Variants in DGLUCY observed in about 807,000 individuals in gnomAD.
DGLUCY encodes the protein D-glutamate cyclase, mitochondrial.
DGLUCY carries 58 observed loss-of-function variants against 58.5 expected under a neutral mutation model. The observed-to-expected ratio is 0.99, with a 90% confidence interval of 0.80 to 1.23. The LOEUF (loss-of-function observed/expected upper bound fraction) is 1.23, where lower values mean the gene tolerates loss of function less well. DGLUCY is among the 50% of genes most tolerant of loss of function. DGLUCY has a pLI of 0.00. For missense variants in DGLUCY, 779 were observed against 784.7 expected, an observed-to-expected ratio of 0.99 and a Z score of 0.09; for synonymous variants, 325 against 314.1, an observed-to-expected ratio of 1.03 and a Z score of -0.37.
chr14:91,065,340 C>A (rs1036999651), intron 1 of DGLUCY, among the ~76,000 whole-genome samples: 5 of 152,100 alleles, frequency 3.3e-5, no homozygotes, highest in African/African-American at 1.2e-4. Context: ...GGGCAACAAC[C>A]TGGTTAAAGT....
intron 1 of DGLUCY, among the ~76,000 whole-genome samples, chr14:91,144,955 TTG>T (rs1411229583): frequency 6.6e-6 from 1 of 152,076 alleles, no homozygotes; most frequent in Non-Finnish European, 1.5e-5. Flanking sequence ...GCCTCAGGCT[TTG>T]TGTGAGTCTG....
chr14:91,154,080 A>G (rs549681106), intron 1 of DGLUCY, among the ~76,000 whole-genome samples: 242 of 152,138 alleles, frequency 1.6e-3, no homozygotes, highest in Non-Finnish European at 2.9e-3. Flanking sequence ...TAATTTTTGT[A>G]TATTTAGTAA....
intron 6 of DGLUCY, among the ~76,000 whole-genome samples, chr14:91,174,292 A>G (rs567831212): frequency 3.3e-5 from 5 of 152,174 alleles, no homozygotes; most frequent in African/African-American, 1.2e-4. Context: ...CCTTTATTTA[A>G]TTTAATTAAA....
intron 1 of DGLUCY, among the ~76,000 whole-genome samples, chr14:91,137,397 T>A (rs571605259): frequency 6.6e-6 from 1 of 152,100 alleles, no homozygotes; most frequent in East Asian, 1.9e-4. Context: ...CTTTTCTTTT[T>A]TTTTTTTGAG....
intron 13 of DGLUCY, among the ~76,000 whole-genome samples, chr14:91,221,838 AACC>A (rs2140796510): frequency 6.6e-6 from 1 of 152,262 alleles, no homozygotes; most frequent in South Asian, 2.1e-4. Context: ...ACACCCTTGC[AACC>A]ACCACCAAGA....
At chr14:91,102,981 C>T (rs1329923472) in intron 1 of DGLUCY, among the ~76,000 whole-genome samples, 1 of 151,844 alleles carries the variant, frequency 6.6e-6, no homozygotes, top group African/African-American at 2.4e-5. Context: ...AGGCTGGTCT[C>T]GAACTCCTGA....
intron 8 of DGLUCY, among the ~76,000 whole-genome samples, 165 bp from the exon 9 acceptor site, chr14:91,188,745 C>T (rs888227213): frequency 3.3e-5 from 5 of 152,152 alleles, no homozygotes; most frequent in Non-Finnish European, 7.3e-5. Context: ...GGGAGGATCA[C>T]GTGAGCCCAG....
intron 1 of DGLUCY, among the ~76,000 whole-genome samples, chr14:91,074,286 C>T (rs1202852063): frequency 1.7e-5 from 2 of 117,194 alleles, no homozygotes; most frequent in African/African-American, 6.9e-5. Context: ...CTGAGCGATA[C>T]CCTGTCTCAA....
At chr14:91,164,230 G>A (rs2048151435) in intron 3 of DGLUCY, among the ~76,000 whole-genome samples, 2 of 152,184 alleles carry the variant, frequency 1.3e-5, no homozygotes, top group Non-Finnish European at 1.5e-5. Flanking sequence ...GATTACAGGT[G>A]TGAGCCACCA....
intron 1 of DGLUCY, chr14:91,115,117 A>G (rs1398382165): frequency 6.6e-6 from 1 of 152,530 alleles, no homozygotes; most frequent in African/African-American, 2.4e-5. Context: ...AATTGCAAAA[A>G]TTATCCCAGT....
intron 5 of DGLUCY, among the ~76,000 whole-genome samples, 182 bp from the exon 6 acceptor site, chr14:91,173,107 A>G (rs1373397602): frequency 6.6e-6 from 1 of 152,120 alleles, no homozygotes; most frequent in Non-Finnish European, 1.5e-5. Context: ...AAGATTCCCT[A>G]TTTTAAACCA....
chr14:91,074,161 A>ACACACACATC (rs71120110), intron 1 of DGLUCY, among the ~76,000 whole-genome samples: 2 of 128,632 alleles, frequency 1.6e-5, no homozygotes, highest in African/African-American at 6.5e-5. Flanking sequence ...ACACACACAC[A>ACACACACATC]GTCAAGCACC....
intron 1 of DGLUCY, among the ~76,000 whole-genome samples, chr14:91,108,526 T>TGTGTGTGTGTGTGAGAGAGA (rs1265665234): frequency 5.8e-5 from 3 of 52,124 alleles, no homozygotes; most frequent in African/African-American, 1.3e-4. Context: ...TGTGTGTGTG[T>TGTGTGTGTGTGTGAGAGAGA]GAGAGAGAGA....
At chr14:91,206,329 T>C (rs961329497) in intron 12 of DGLUCY, among the ~76,000 whole-genome samples, 2 of 151,698 alleles carry the variant, frequency 1.3e-5, no homozygotes, top group Admixed American at 6.6e-5. Flanking sequence ...GCAGAGCCCT[T>C]CCCCTCCCCG....
intron 13 of DGLUCY, among the ~76,000 whole-genome samples, chr14:91,219,987 C>T (rs867778999): frequency 6.6e-6 from 1 of 152,246 alleles, no homozygotes; most frequent in South Asian, 2.1e-4. Context: ...ATCTTCCCCT[C>T]AGCCCGATGG....
In DGLUCY at chr14:91,156,351, C is replaced by T. The variant is rs181252690; in HGVS notation, c.-81-1288C>T. ...CTGGTCTCAAACTGCTGGGGTCCAG[C>T]GATCCTCCCACCTTGGCCTCCCGAA... On this transcript the variant is annotated intron_variant, in intron 1 of 13. Coordinates refer to ENST00000256324, the MANE Select transcript of DGLUCY (RefSeq NM_001102368.3). 3.3e-5 allele frequency among the ~76,000 whole-genome samples: 5 copies of T among 152,186 alleles called. No individual in the cohort carries two copies. The East Asian group carries it at 5.8e-4, about 18-fold the overall frequency.
intron 1 of DGLUCY, among the ~76,000 whole-genome samples, chr14:91,119,722 A>G (rs2045237277): frequency 6.6e-6 from 1 of 152,040 alleles, no homozygotes; most frequent in South Asian, 2.1e-4. Flanking sequence ...GGAGATTAAC[A>G]TTTGAGTCAG....
chr14:91,110,935 C>T (rs373456680), upstream of DGLUCY, among the ~76,000 whole-genome samples: 3 of 152,126 alleles, frequency 2.0e-5, no homozygotes, highest in Non-Finnish European at 2.9e-5. Flanking sequence ...AGCTGCTGTT[C>T]TACTTTTGTC....
Position 91,152,588 on chromosome 14 carries a change from A to G in DGLUCY, c.-81-5051A>G, listed in dbSNP as rs2047391300. Among the ~76,000 whole-genome samples, 3 of 152,172 alleles carry G rather than the reference A, an allele frequency of 2.0e-5. 1 individual carries two copies. The highest frequency in any genetic ancestry group is 6.6e-5 in the Admixed American group (1 of 15,262). On this transcript the variant is annotated intron_variant, in intron 1 of 13. Coordinates refer to ENST00000256324, the MANE Select transcript of DGLUCY (RefSeq NM_001102368.3). The stretch of plus-strand genomic sequence containing the variant: ...ACAGTTAGGATGCCTTCTTCCTTGC[A>G]GCAACACTTATTTTGCAAATTTGCA...
Sources: allele counts gnomAD v4.1 joint callset (sites outside exome capture counted in the v4.1 genomes callset), GRCh38; gene constraint gnomAD v4.1.1; transcripts MANE v1.5; gene names NCBI Gene and HGNC (gene_info 2026-07-23, HGNC 2026-07-21).